Variants in ZNF117 observed in about 807,000 individuals in gnomAD.
ZNF117 encodes Krueppel-related zinc finger protein.
ZNF117 carries 37 observed loss-of-function variants against 41.2 expected under a neutral mutation model. The observed-to-expected ratio is 0.90, with a 90% confidence interval of 0.69 to 1.18. ZNF117 has a LOEUF of 1.18. Among genes scored for constraint, ZNF117 ranks in the 50% most tolerant of loss-of-function variants. ZNF117 has a pLI of 0.00. For synonymous variants in ZNF117, 186 were observed against 186.6 expected (o/e 1.00, Z 0.02); for missense variants, 546 against 557.5 (o/e 0.98, Z 0.21).
intron 1 of ZNF117, among the ~76,000 whole-genome samples, chr7:64,988,513 G>A (rs1330883636): frequency 2.6e-5 from 4 of 152,072 alleles, no homozygotes; most frequent in Admixed American, 1.3e-4. Context: ...GACAAAAGCT[G>A]GAAGCATTTC....
chr7:64,983,917 G>A (rs1040293112), upstream of ZNF117, among the ~76,000 whole-genome samples: 1 of 152,108 alleles, frequency 6.6e-6, no homozygotes, highest in Non-Finnish European at 1.5e-5. Flanking sequence ...CTAGATATAA[G>A]TTTGATCAAG....
chr7:64,981,180 C>A, intron 2 of ZNF117: 1 of 605,748 alleles, frequency 1.7e-6, no homozygotes, highest in Non-Finnish European at 2.8e-6. Flanking sequence ...AAATTGAAGA[C>A]AGATCACTAA....
exon 3 of ZNF117, chr7:64,979,118 G>A (rs746643280): frequency 1.2e-6 from 2 of 1,612,078 alleles, no homozygotes; most frequent in East Asian, 2.2e-5. Flanking sequence ...GTTTATTAAG[G>A]GTTGAGGACC....
chr7:64,990,486 C>G (rs187436553), exon 1 of ZNF117: 1 of 177,560 alleles, frequency 5.6e-6, no homozygotes, highest in Admixed American at 4.8e-5. Flanking sequence ...GGGTTTTTGG[C>G]GCAAAACCTG....
At chr7:64,980,198 G>A (rs533372840) in intron 2 of ZNF117, 1 of 152,190 alleles carries the variant, frequency 6.6e-6, no homozygotes, top group Non-Finnish European at 1.5e-5. Flanking sequence ...AAGACTCTCA[G>A]GATCTCTAGC....
At chr7:64,973,686 A>G (rs897969410), downstream of ZNF117, 1 of 151,998 alleles carries the variant, frequency 6.6e-6, no homozygotes, top group African/African-American at 2.4e-5. Context: ...AACAGTGAGC[A>G]AAGTGTAGCC....
At chr7:64,989,895 A>G (rs1786226330) in intron 1 of ZNF117, 52 bp downstream of exon 1, 1 of 152,216 alleles carries the variant, frequency 6.6e-6, no homozygotes, top group East Asian at 1.9e-4. Flanking sequence ...AACATGGTGA[A>G]ACCCCATCTC....
chr7:64,977,091 T>TAGCAAGGTGTATA, exon 3 of ZNF117: 2 of 524,518 alleles, frequency 3.8e-6, no homozygotes, highest in Non-Finnish European at 7.8e-6. Flanking sequence ...AATTATATTA[T>TAGCAAGGTGTATA]GTATAGCAAG....
At chr7:64,978,199 A>T in exon 3 of ZNF117, 1 of 1,612,846 alleles carries the variant, frequency 6.2e-7, no homozygotes, top group Non-Finnish European at 8.5e-7. Context: ...GTAAGTGTTG[A>T]AGATTGGTTA....
At chr7:64,979,604 A>C in intron 2 of ZNF117, 68 bp from the exon 4 acceptor site, 1 of 1,255,128 alleles carries the variant, frequency 8.0e-7, no homozygotes, top group Non-Finnish European at 1.0e-6. Flanking sequence ...TACAAATCTA[A>C]CCCATAAAGT....
At chr7:64,980,636 T>C (rs987687793) in intron 2 of ZNF117, 18 of 152,108 alleles carry the variant, frequency 1.2e-4, no homozygotes, top group African/African-American at 3.6e-4. Context: ...AGCACAATTT[T>C]AAAAGTCACA....
exon 3 of ZNF117, chr7:64,979,174 T>G: frequency 6.2e-7 from 1 of 1,605,776 alleles, no homozygotes; most frequent in Non-Finnish European, 8.5e-7. Flanking sequence ...AAATTCACTC[T>G]AGTTTGGATT....
chr7:64,989,312 T>C (rs1307280864), intron 1 of ZNF117, among the ~76,000 whole-genome samples: 2 of 151,198 alleles, frequency 1.3e-5, no homozygotes, highest in Non-Finnish European at 3.0e-5. Context: ...GCAGGAAGAA[T>C]TCCCTATTTA....
exon 3 of ZNF117, chr7:64,978,694 T>G (rs1654357594): frequency 6.2e-7 from 1 of 1,612,838 alleles, no homozygotes; most frequent in Admixed American, 1.7e-5. Context: ...TTATGTGTAG[T>G]AAGGGTTGAG....
chr7:64,973,551 T>G (rs1433646299), downstream of ZNF117: 4 of 151,924 alleles, frequency 2.6e-5, no homozygotes, highest in Non-Finnish European at 5.9e-5. Flanking sequence ...TTATCTTAAT[T>G]AACTGATCAG....
At chr7:64,977,175 T>C (rs1009443958) in exon 3 of ZNF117, 1 of 461,054 alleles carries the variant, frequency 2.2e-6, no homozygotes, top group Admixed American at 2.6e-5. Flanking sequence ...AATTACCTTA[T>C]GTTTAGTAAG....
At chr7:64,973,684 G>A (rs1384184698), downstream of ZNF117, 2 of 151,920 alleles carry the variant, frequency 1.3e-5, no homozygotes, top group East Asian at 1.9e-4. Flanking sequence ...ACAACAGTGA[G>A]CAAAGTGTAG....
chr7:64,979,116 A>C (rs1233971089), exon 3 of ZNF117: 7 of 1,612,238 alleles, frequency 4.3e-6, no homozygotes, highest in Non-Finnish European at 5.9e-6. Context: ...ATGTTTATTA[A>C]GGGTTGAGGA....
chr7:64,984,162 T>C, upstream of ZNF117, among the ~76,000 whole-genome samples: 1 of 152,140 alleles, frequency 6.6e-6, no homozygotes, highest in Non-Finnish European at 1.5e-5. Flanking sequence ...GACGGAGTCT[T>C]GCTCTGTCAT....
Sources: gnomAD v4.1 joint callset for allele counts (sites outside exome capture counted in the v4.1 genomes callset) on GRCh38, gnomAD v4.1.1 for gene constraint, MANE v1.5 for transcripts, NCBI Gene and HGNC (gene_info 2026-07-23, HGNC 2026-07-21) for gene names.